Variants in EXOC6B observed in about 807,000 individuals in gnomAD.
The protein encoded by EXOC6B is exocyst complex component 6B, also known as SEC15 homolog B.
Under a neutral mutation model 113.5 loss-of-function variants are expected in EXOC6B, and 54 were observed. The ratio of observed to expected loss-of-function variants is 0.48; its 90% CI spans 0.38 to 0.60. The LOEUF is 0.60. Among genes scored for constraint, EXOC6B ranks in the 20% least tolerant of loss-of-function variants. EXOC6B has a pLI of 0.00. For synonymous variants in EXOC6B, 357 were observed against 339.0 expected (o/e 1.05, Z -0.58); for missense variants, 797 against 977.5 (o/e 0.82, Z 2.46).
intron 18 of EXOC6B, among the ~76,000 whole-genome samples, chr2:72,393,951 T>C (rs960786639): frequency 6.6e-6 from 1 of 152,140 alleles, no homozygotes; most frequent in African/African-American, 2.4e-5. Context: ...ATTACAGATG[T>C]GTGGTTTAAT....
chr2:72,620,081 T>A (rs2104174177), intron 6 of EXOC6B, among the ~76,000 whole-genome samples: 1 of 152,342 alleles, frequency 6.6e-6, no homozygotes, highest in Non-Finnish European at 1.5e-5. Flanking sequence ...CTGAGGTGCA[T>A]CTATTCCTCC....
chr2:72,382,355 T>C (rs1214488651), intron 18 of EXOC6B, among the ~76,000 whole-genome samples: 1 of 152,142 alleles, frequency 6.6e-6, no homozygotes. Flanking sequence ...TGTGTGGAAT[T>C]ATTTCTGGGC....
chr2:72,394,177 A>G (rs1185645432), intron 18 of EXOC6B, among the ~76,000 whole-genome samples: 1 of 152,176 alleles, frequency 6.6e-6, no homozygotes, highest in East Asian at 1.9e-4. Context: ...TATAGTAAAT[A>G]ATTGAAAATG....
chr2:72,258,361 C>CTTTTTTTTTTTTTT (rs967346322), intron 20 of EXOC6B, among the ~76,000 whole-genome samples: 3 of 124,834 alleles, frequency 2.4e-5, no homozygotes, highest in Non-Finnish European at 3.4e-5. Context: ...TTATCTTTTT[C>CTTTTTTTTTTTTTT]TTTTTTTTTT....
chr2:72,796,729 G>A (rs753446995), intron 1 of EXOC6B, among the ~76,000 whole-genome samples: 5 of 151,292 alleles, frequency 3.3e-5, no homozygotes, highest in African/African-American at 7.3e-5. Context: ...CTTGGCACAC[G>A]CCATAGGCCC....
chr2:72,751,175 G>A (rs1022499382), intron 1 of EXOC6B, among the ~76,000 whole-genome samples: 2 of 152,048 alleles, frequency 1.3e-5, no homozygotes, highest in African/African-American at 2.4e-5. Flanking sequence ...GCCTCAGGAG[G>A]TCCTGATGAC....
At chr2:72,294,084 A>C (rs571666145) in intron 20 of EXOC6B, among the ~76,000 whole-genome samples, 1 of 152,190 alleles carries the variant, frequency 6.6e-6, no homozygotes, top group African/African-American at 2.4e-5. Flanking sequence ...CAGTGAAAAA[A>C]AAAAAACAAT....
Position 72,480,701 on chromosome 2 carries a change from T to C in EXOC6B, c.1715A>G (p.Tyr572Cys). The C allele has an allele frequency of 6.3e-7, 1 of 1,596,344 alleles. No homozygotes were observed. The highest frequency in any genetic ancestry group is 8.5e-7 in the Non-Finnish European group (1 of 1,170,240). The change falls in exon 17 of 22, where the codon TAC becomes TGC. Residue 572 changes from tyrosine (Y) to cysteine (C), a missense_variant. Physicochemically the swap from Tyr to Cys is radical, Grantham distance 194. Transcript: ENST00000272427. ...NTTHLEKSCKYLEEFITNITN... is the reference protein window; with the variant it reads ...NTTHLEKSCKCLEEFITNITN... ...GATGTTGGTGATAAATTCTTCCAAG[T>C]ACTTACAGGATTTCTCCAAATGTGT... is the stretch of plus-strand genomic sequence containing the variant.
chr2:72,316,515 A>G (rs1687523681), intron 20 of EXOC6B, among the ~76,000 whole-genome samples: 1 of 152,214 alleles, frequency 6.6e-6, no homozygotes, highest in East Asian at 1.9e-4. Context: ...CTGATAATGA[A>G]GAGCAAGGAG....
At chr2:72,243,571 C>T (rs568970822) in intron 20 of EXOC6B, among the ~76,000 whole-genome samples, 10 of 152,190 alleles carry the variant, frequency 6.6e-5, no homozygotes, top group African/African-American at 2.4e-4. Flanking sequence ...GGGTGGGGAA[C>T]ATCACTCCCT....
intron 6 of EXOC6B, among the ~76,000 whole-genome samples, chr2:72,633,351 ATGT>A (rs572167142): frequency 3.9e-4 from 59 of 152,142 alleles, no homozygotes; most frequent in Middle Eastern, 3.4e-3. Flanking sequence ...CACACAATGT[ATGT>A]TGTTGTTGTT....
At chr2:72,595,031 G>T (rs1669981594) in intron 6 of EXOC6B, among the ~76,000 whole-genome samples, 1 of 152,014 alleles carries the variant, frequency 6.6e-6, no homozygotes, top group South Asian at 2.1e-4. Flanking sequence ...GGCAGAGGTG[G>T]GCAGATCACT....
intron 20 of EXOC6B, among the ~76,000 whole-genome samples, chr2:72,318,741 A>G (rs952543899): frequency 1.6e-4 from 24 of 152,318 alleles, no homozygotes; most frequent in Non-Finnish European, 3.1e-4. Flanking sequence ...ATTGCAAAAT[A>G]CCTTCCATCA....
chr2:72,509,551 A>G (rs1312860262), intron 11 of EXOC6B, among the ~76,000 whole-genome samples: 4 of 152,178 alleles, frequency 2.6e-5, no homozygotes, highest in African/African-American at 9.6e-5. Flanking sequence ...TATAAAGTAA[A>G]TATCAATAAA....
chr2:72,718,007 G>A lies in EXOC6B; in HGVS notation c.669+96C>T. The stretch of plus-strand genomic sequence containing the variant: ...CTTCCCTAAAATGATAAGAAACTTG[G>A]ATAAGATAATGACTAGACACTTGGC... On this transcript the variant is annotated intron_variant, in intron 6 of 21. Transcript: ENST00000272427. 6 of 830,444 alleles carry A rather than the reference G, an allele frequency of 7.2e-6. No homozygotes were observed. In the East Asian group the frequency reaches 1.0e-4, roughly 14 times the overall value. 51.4% of individuals were successfully genotyped at this position (830,444 alleles called of 1,614,324 possible). A position where few individuals can be genotyped will look rare whatever the true frequency, so the allele number is the denominator to read the frequency against.
Position 72,379,758 on chromosome 2 carries a change from T to G in EXOC6B, c.2093A>C (p.Gln698Pro). The G allele has an allele frequency of 6.2e-7, 1 of 1,612,870 alleles. No homozygotes were observed. Among genetic ancestry groups the G allele is most frequent in the Non-Finnish European group, 8.5e-7 (1 of 1,179,308 alleles). Residue 698 changes from glutamine (Q) to proline (P), a missense_variant, in exon 19 of 22, where the codon CAG (glutamine) becomes CCG (proline). Gln to Pro is a moderately conservative substitution (Grantham distance 76). Coordinates refer to ENST00000272427, the MANE Select transcript of EXOC6B (RefSeq NM_015189.3). Reference sequence around the variant, plus strand: ...ACATTCTCTGACGTCCAAGTTGAACTGCTGTAATGCTCCCAAGGTGAGCTG... The same window carrying G: ...ACATTCTCTGACGTCCAAGTTGAACGGCTGTAATGCTCCCAAGGTGAGCTG... Reference protein sequence around the residue: ...VRQLTLGALQQFNLDVRECEQ... With the variant: ...VRQLTLGALQPFNLDVRECEQ...
chr2:72,556,965 A>G (rs1339205036), intron 8 of EXOC6B, among the ~76,000 whole-genome samples: 1 of 152,002 alleles, frequency 6.6e-6, no homozygotes, highest in Non-Finnish European at 1.5e-5. Context: ...GAGGGAAAAA[A>G]ACAAGAAACC....
intron 20 of EXOC6B, among the ~76,000 whole-genome samples, chr2:72,324,805 A>T (rs1375816046): frequency 6.6e-6 from 1 of 152,036 alleles, no homozygotes; most frequent in South Asian, 2.1e-4. Context: ...CTGATGCTTG[A>T]GGGGTTGAAG....
At chr2:72,759,011 TG>T (rs1682600715) in intron 1 of EXOC6B, among the ~76,000 whole-genome samples, 1 of 152,226 alleles carries the variant, frequency 6.6e-6, no homozygotes, top group Non-Finnish European at 1.5e-5. Flanking sequence ...TTTCTTTAAG[TG>T]TAACAACAAA....
Sources: allele counts gnomAD v4.1 joint callset (sites outside exome capture counted in the v4.1 genomes callset), GRCh38; gene constraint gnomAD v4.1.1; transcripts MANE v1.5; gene names NCBI Gene and HGNC (gene_info 2026-07-23, HGNC 2026-07-21).